Variants in SLIT3 observed in about 807,000 individuals in gnomAD.
SLIT3 encodes slit guidance ligand 3, also known as slit homolog 3 protein.
SLIT3 carries 68 observed loss-of-function variants against 184.0 expected under a neutral mutation model. The observed-to-expected ratio is 0.37, with a 90% CI of 0.30 to 0.45. The LOEUF (loss-of-function observed/expected upper bound fraction) is 0.45, where lower values mean the gene tolerates loss of function less well. SLIT3 is among the 20% of genes least tolerant of loss of function. The pLI, the probability that SLIT3 is intolerant of heterozygous loss-of-function variation, is 1.00. For synonymous variants in SLIT3, 831 were observed against 828.6 expected (o/e 1.00, Z -0.05); for missense variants, 1,707 against 2,026.0 (o/e 0.84, Z 3.02).
At chr5:169,133,905 G>A (rs191424467) in intron 4 of SLIT3, among the ~76,000 whole-genome samples, 2 of 152,302 alleles carry the variant, frequency 1.3e-5, no homozygotes, top group East Asian at 1.9e-4. Context: ...TTACTGTTCC[G>A]ATGGAGTCTT....
At chr5:168,950,808 T>A (rs972002092) in intron 4 of SLIT3, among the ~76,000 whole-genome samples, 2 of 152,238 alleles carry the variant, frequency 1.3e-5, no homozygotes, top group Non-Finnish European at 2.9e-5. Flanking sequence ...CTGACCAAAA[T>A]GGCAGTTGCA....
At chr5:168,677,151 G>C (rs994878382) in intron 32 of SLIT3, among the ~76,000 whole-genome samples, 3 of 152,224 alleles carry the variant, frequency 2.0e-5, no homozygotes, top group Non-Finnish European at 4.4e-5. Flanking sequence ...ATGCTTTGAG[G>C]AGAGAGATCT....
intron 4 of SLIT3, among the ~76,000 whole-genome samples, chr5:169,133,356 C>A (rs1355699504): frequency 6.6e-6 from 1 of 152,208 alleles, no homozygotes; most frequent in African/African-American, 2.4e-5. Context: ...GAGAGCCCAC[C>A]TTTGCCACCT....
intron 5 of SLIT3, among the ~76,000 whole-genome samples, chr5:168,859,369 A>C (rs931232732): frequency 1.3e-5 from 2 of 152,226 alleles, no homozygotes; most frequent in Non-Finnish European, 2.9e-5. Flanking sequence ...GAAGCTATTT[A>C]GAATTGTAAT....
In SLIT3 at chr5:168,785,968, C is replaced by T. The variant is rs1756138974; in HGVS notation, c.1090G>A (p.Gly364Arg). ...TTGACAATCTCGGTGATCTTGTTCCCATACAGGACCCTGAAAGAGAGAAGG... is the reference window on the plus strand; with the variant it reads ...TTGACAATCTCGGTGATCTTGTTCCTATACAGGACCCTGAAAGAGAGAAGG... ...LKSLTSLVLYGNKITEIVKGL... is the reference protein window; with the variant it reads ...LKSLTSLVLYRNKITEIVKGL... The change falls in exon 12 of 36, where the codon GGG (glycine) becomes AGG (arginine). Residue 364 changes from glycine (G) to arginine (R), a missense_variant. This residue lies in a region of SLIT3 where 1,307 missense variants were observed against 1,511.6 expected (regional missense o/e 0.86). Transcript: ENST00000519560. 1.2e-6 allele frequency: 2 copies of T among 1,610,748 alleles called. No individual in the cohort carries two copies.
At chr5:169,231,682 A>C (rs1765008084) in intron 3 of SLIT3, among the ~76,000 whole-genome samples, 1 of 152,222 alleles carries the variant, frequency 6.6e-6, no homozygotes. Flanking sequence ...ATTCCTGTGT[A>C]TGTCTTTTTG....
chr5:169,101,331 TTG>T (rs2113230609), intron 4 of SLIT3, among the ~76,000 whole-genome samples: 1 of 152,294 alleles, frequency 6.6e-6, no homozygotes, highest in South Asian at 2.1e-4. Flanking sequence ...AAGCTGAAGT[TTG>T]TTTTCAATGC....
At chr5:168,823,419 G>A in intron 6 of SLIT3, 88 bp from the exon 7 acceptor site, 2 of 927,168 alleles carry the variant, frequency 2.2e-6, no homozygotes, top group South Asian at 2.6e-5. Flanking sequence ...AGGGATGGTT[G>A]TGACCGCAAG....
At chr5:168,782,080 GA>G (rs1053528538) in intron 12 of SLIT3, among the ~76,000 whole-genome samples, 3 of 152,152 alleles carry the variant, frequency 2.0e-5, no homozygotes, top group African/African-American at 7.2e-5. Flanking sequence ...AGCTGGTGGG[GA>G]AAAGTGAACT....
chr5:168,860,018 T>C (rs1420100053), intron 5 of SLIT3, among the ~76,000 whole-genome samples: 1 of 152,214 alleles, frequency 6.6e-6, no homozygotes, highest in African/African-American at 2.4e-5. Flanking sequence ...ACATCACCGT[T>C]TGCCTTTAGG....
At chr5:168,741,532 C>T (rs904069148) in intron 20 of SLIT3, among the ~76,000 whole-genome samples, 3 of 148,518 alleles carry the variant, frequency 2.0e-5, no homozygotes, top group African/African-American at 7.5e-5. Context: ...ATGCCTGCTA[C>T]GGGTTAGTTG....
intron 1 of SLIT3, among the ~76,000 whole-genome samples, chr5:169,287,617 C>T (rs183965914): frequency 1.3e-5 from 2 of 152,082 alleles, no homozygotes; most frequent in Non-Finnish European, 2.9e-5. Context: ...TCCAGTGATA[C>T]CTCAAAAGCC....
chr5:169,079,653 AAGAGG>A (rs1175952160), intron 4 of SLIT3, among the ~76,000 whole-genome samples: 1 of 53,008 alleles, frequency 1.9e-5, no homozygotes, highest in African/African-American at 8.0e-5. Context: ...AGGAGGAGGG[AAGAGG>A]AGGAGGAGGG....
At chr5:169,060,503 C>T (rs537165761) in intron 4 of SLIT3, among the ~76,000 whole-genome samples, 1 of 152,356 alleles carries the variant, frequency 6.6e-6, no homozygotes, top group East Asian at 1.9e-4. Context: ...TTCAGTCACT[C>T]AGGTAACCTG....
chr5:168,670,135 C>G (rs1208355888), intron 34 of SLIT3, 144 bp from the exon 35 acceptor site: 19 of 694,092 alleles, frequency 2.7e-5, no homozygotes, highest in Non-Finnish European at 4.4e-5. Context: ...CTGAGCATCT[C>G]TTTTCTTAAC....
At chr5:169,156,826 T>C (rs1361391181) in intron 4 of SLIT3, among the ~76,000 whole-genome samples, 2 of 152,292 alleles carry the variant, frequency 1.3e-5, no homozygotes, top group Non-Finnish European at 1.5e-5. Flanking sequence ...TTGAGCATTA[T>C]ACAAAACAAA....
chr5:169,198,439 A>T (rs1235062811), intron 3 of SLIT3, among the ~76,000 whole-genome samples: 1 of 152,222 alleles, frequency 6.6e-6, no homozygotes, highest in Non-Finnish European at 1.5e-5. Flanking sequence ...AGACAGGAGC[A>T]TTTGGGAAGC....
In SLIT3 at chr5:169,153,928, C is replaced by A. The variant is rs563127815; in HGVS notation, c.413+39551G>T. 5.9e-5 allele frequency among the ~76,000 whole-genome samples: 9 copies of A among 152,114 alleles called. No homozygotes were observed. In the East Asian group the frequency reaches 1.7e-3, roughly 29 times the overall value. ...CATGGGGTCCTACTCTGAACCCCAG[C>A]CACCCAGCTGTAACCTTGACAGACT... On this transcript the variant is annotated intron_variant, in intron 4 of 35. Coordinates refer to ENST00000519560, the MANE Select transcript of SLIT3 (RefSeq NM_003062.4).
chr5:168,665,543 GCCT>G lies in SLIT3; in HGVS notation c.*908_*910del, dbSNP rs1486025969. ...AGACACCATGATATTCTCTTCCCTCGCCTCCTCTAGGAAGACCCCTCTCCTGGG... is the reference window on the plus strand; with the variant it reads ...AGACACCATGATATTCTCTTCCCTCGCCTCTAGGAAGACCCCTCTCCTGGG... On this transcript the variant is annotated 3_prime_UTR_variant, in exon 36 of 36. Transcript: ENST00000519560. 1 of 152,224 alleles carries G rather than the reference GCCT, an allele frequency of 6.6e-6. No individual in the cohort carries two copies. The highest frequency in any genetic ancestry group is 1.5e-5 in the Non-Finnish European group (1 of 68,056). The allele number at this position is 152,224 out of a possible 1,614,324, so 9.4% of individuals were successfully genotyped here.
Sources: gnomAD v4.1 joint callset for allele counts (sites outside exome capture counted in the v4.1 genomes callset) on GRCh38, gnomAD v4.1.1 for gene constraint, gnomAD v4.1.1 regional missense constraint, MANE v1.5 for transcripts, NCBI Gene and HGNC (gene_info 2026-07-23, HGNC 2026-07-21) for gene names.